CNTNAP5: variants seen among roughly 807,000 people sequenced by gnomAD.
CNTNAP5 encodes contactin associated protein family member 5.
CNTNAP5 carries 72 observed loss-of-function variants against 150.2 expected under a neutral mutation model. That is an observed-to-expected ratio of 0.48 (90% CI 0.40 to 0.58). The LOEUF is 0.58. Ranked by LOEUF, CNTNAP5 falls within the 20% of genes least tolerant of loss-of-function variation. The pLI is 0.00. For missense variants in CNTNAP5, 1,636 were observed against 1,626.2 expected, an observed-to-expected ratio of 1.01 and a Z score of -0.10; for synonymous variants, 672 against 619.8, an observed-to-expected ratio of 1.08 and a Z score of -1.25.
chr2:124,038,602 T>C (rs79307895), intron 1 of CNTNAP5, among the ~76,000 whole-genome samples: 3,005 of 152,286 alleles, frequency 0.02, 94 homozygotes, highest in African/African-American at 0.062. Context: ...TATTTAAATT[T>C]TGTTTTAAAA....
At chr2:124,457,424 A>G (rs761473941) in intron 6 of CNTNAP5, among the ~76,000 whole-genome samples, 1 of 152,248 alleles carries the variant, frequency 6.6e-6, no homozygotes, top group Non-Finnish European at 1.5e-5. Flanking sequence ...CTGACAAAGG[A>G]CTAATATCCA....
At chr2:124,865,875 C>CAG (rs1677620899) in intron 20 of CNTNAP5, among the ~76,000 whole-genome samples, 1 of 151,414 alleles carries the variant, frequency 6.6e-6, no homozygotes, top group South Asian at 2.1e-4. Flanking sequence ...ACCTGAAAGG[C>CAG]AGAGGTTGCA....
At chr2:124,703,312 A>G (rs943428454) in intron 13 of CNTNAP5, among the ~76,000 whole-genome samples, 2 of 150,992 alleles carry the variant, frequency 1.3e-5, no homozygotes, top group Non-Finnish European at 2.9e-5. Flanking sequence ...TGGTTTTTAG[A>G]ACAATATTTG....
intron 12 of CNTNAP5, among the ~76,000 whole-genome samples, chr2:124,615,975 C>A (rs1677484584): frequency 6.6e-6 from 1 of 152,098 alleles, no homozygotes. Flanking sequence ...GACAGGAGTT[C>A]TCAATGGTGG....
chr2:124,763,169 G>A (rs758493605), intron 14 of CNTNAP5, among the ~76,000 whole-genome samples: 13 of 151,876 alleles, frequency 8.6e-5, no homozygotes, highest in Non-Finnish European at 1.6e-4. Context: ...GAAAAGCAAC[G>A]AAGCAGTAAC....
At chr2:124,294,786 A>G (rs770784728) in intron 3 of CNTNAP5, among the ~76,000 whole-genome samples, 6 of 152,218 alleles carry the variant, frequency 3.9e-5, no homozygotes, top group East Asian at 1.9e-4. Context: ...TGCCACATAT[A>G]TTACTCAGTA....
chr2:124,564,887 CG>C (rs746693178), intron 11 of CNTNAP5, among the ~76,000 whole-genome samples: 95 of 152,220 alleles, frequency 6.2e-4, no homozygotes, highest in Admixed American at 1.2e-3. Context: ...ATTTTCTAGA[CG>C]TAAGAGTGCA....
At chr2:124,039,436 A>G (rs1480541418) in intron 1 of CNTNAP5, among the ~76,000 whole-genome samples, 1 of 152,194 alleles carries the variant, frequency 6.6e-6, no homozygotes. Flanking sequence ...GTTGGCTTAT[A>G]GTGCAGTGCT....
chr2:124,807,236 T>A (rs1019507762), intron 19 of CNTNAP5, among the ~76,000 whole-genome samples: 1 of 152,176 alleles, frequency 6.6e-6, no homozygotes, highest in African/African-American at 2.4e-5. Flanking sequence ...ATTGAAGATA[T>A]GTCTCCACTG....
chr2:124,619,466 T>C (rs1046971926), intron 12 of CNTNAP5, among the ~76,000 whole-genome samples: 2 of 152,122 alleles, frequency 1.3e-5, no homozygotes, highest in African/African-American at 4.8e-5. Flanking sequence ...GGTGGGGCGA[T>C]CTGCCCTTGG....
chr2:124,917,489 A>G lies in CNTNAP5; in HGVS notation c.*3201A>G, dbSNP rs947780494. ...TCATTTCTATAGACATATTTTTATG[A>G]CTAACTTTGCCTCTTCTATTTACCC... On this transcript the variant is annotated 3_prime_UTR_variant, in exon 24 of 24. Transcript: ENST00000682447. 2.6e-5 allele frequency among the ~76,000 whole-genome samples: 4 copies of G among 152,038 alleles called. No individual in the cohort carries two copies. Among genetic ancestry groups the G allele is most frequent in the African/African-American group, 4.8e-5 (2 of 41,430 alleles).
At chr2:124,163,292 G>A (rs7423056) in intron 1 of CNTNAP5, among the ~76,000 whole-genome samples, 8,141 of 152,206 alleles carry the variant, frequency 0.053, 430 homozygotes, top group East Asian at 0.24. Context: ...ATTGCAATGA[G>A]GAAGGTGACA....
chr2:124,790,174 A>C (rs765226233), intron 18 of CNTNAP5, 33 bp downstream of exon 18: 8 of 1,573,840 alleles, frequency 5.1e-6, no homozygotes, highest in African/African-American at 1.3e-5. Flanking sequence ...TCCTGAGTGC[A>C]GTGCTGTATC....
intron 3 of CNTNAP5, among the ~76,000 whole-genome samples, chr2:124,378,614 T>C (rs1249641017): frequency 6.6e-6 from 1 of 152,138 alleles, no homozygotes; most frequent in African/African-American, 2.4e-5. Flanking sequence ...TACAATTATG[T>C]TGCTGTCAGT....
chr2:124,851,045 A>G (rs1012290356), intron 19 of CNTNAP5, among the ~76,000 whole-genome samples: 2 of 152,192 alleles, frequency 1.3e-5, no homozygotes, highest in East Asian at 3.9e-4. Flanking sequence ...ATCAGGGAGC[A>G]GAGAAATGTG....
intron 14 of CNTNAP5, among the ~76,000 whole-genome samples, chr2:124,754,435 A>G (rs1249242609): frequency 6.6e-6 from 1 of 152,078 alleles, no homozygotes; most frequent in Non-Finnish European, 1.5e-5. Flanking sequence ...TCCCAGACAC[A>G]TCTTGCAAAC....
At chr2:124,287,376 C>G (rs376551604) in intron 3 of CNTNAP5, among the ~76,000 whole-genome samples, 47 of 152,280 alleles carry the variant, frequency 3.1e-4, no homozygotes, top group African/African-American at 1.1e-3. Context: ...GGATTTGCAG[C>G]TCTTTGGCGT....
At chr2:124,319,098 T>G (rs1689039355) in intron 3 of CNTNAP5, among the ~76,000 whole-genome samples, 2 of 152,248 alleles carry the variant, frequency 1.3e-5, no homozygotes, top group South Asian at 2.1e-4. Flanking sequence ...CACTCCGTTT[T>G]CCTCTCTGCA....
intron 1 of CNTNAP5, among the ~76,000 whole-genome samples, chr2:124,101,660 C>A (rs1217941521): frequency 6.6e-6 from 1 of 152,182 alleles, no homozygotes; most frequent in Non-Finnish European, 1.5e-5. Flanking sequence ...AAAACATCTG[C>A]AAGTTAAAAG....
Sources: allele counts gnomAD v4.1 joint callset (sites outside exome capture counted in the v4.1 genomes callset), GRCh38; gene constraint gnomAD v4.1.1; transcripts MANE v1.5; gene names NCBI Gene and HGNC (gene_info 2026-07-23, HGNC 2026-07-21).